Variants in PARP15 observed in about 807,000 individuals in gnomAD.
PARP15 encodes the protein protein mono-ADP-ribosyltransferase PARP15.
A neutral mutation model predicts 62.1 loss-of-function variants in PARP15; 50 were observed. The observed-to-expected ratio is 0.81, with a 90% CI of 0.64 to 1.02. The LOEUF is 1.02. Ranked by LOEUF, PARP15 falls within the 50% of genes least tolerant of loss-of-function variation. The pLI is 0.00. For synonymous variants in PARP15, 309 were observed against 293.1 expected (o/e 1.05, Z -0.55); for missense variants, 820 against 826.5 (o/e 0.99, Z 0.10).
chr3:122,610,535 TGGA>T lies in PARP15; in HGVS notation c.355_357del (p.Gly119del). 3 of 1,551,726 alleles carry T rather than the reference TGGA, an allele frequency of 1.9e-6. No homozygotes were observed. Among genetic ancestry groups the T allele is most frequent in the Non-Finnish European group, 1.7e-6 (2 of 1,146,992 alleles). On this transcript the variant is annotated inframe_deletion, in exon 3 of 12. Coordinates refer to ENST00000464300, the MANE Select transcript of PARP15 (RefSeq NM_001113523.3). ...ACAGCGTTCCCATGAATCTTCAGCT[TGGA>T]GGAGGACCACTATCTCGGGCATTTT...
intron 3 of PARP15, among the ~76,000 whole-genome samples, chr3:122,611,735 A>T (rs1935581421): frequency 6.7e-6 from 1 of 149,994 alleles, no homozygotes; most frequent in African/African-American, 2.5e-5. Flanking sequence ...ATTTTTTGAG[A>T]TGGAGTTTTG....
intron 1 of PARP15, among the ~76,000 whole-genome samples, chr3:122,605,112 CCCACTGG>C (rs1190578868): frequency 2.6e-5 from 4 of 152,130 alleles, no homozygotes; most frequent in Non-Finnish European, 5.9e-5. Flanking sequence ...CCCACTTAAT[CCCACTGG>C]GGAAACTCAT....
At chr3:122,586,260 G>A (rs779536034) in intron 1 of PARP15, among the ~76,000 whole-genome samples, 7 of 151,674 alleles carry the variant, frequency 4.6e-5, no homozygotes, top group African/African-American at 1.5e-4. Flanking sequence ...CTGTTGGAGT[G>A]CAGTGGCCTA....
At chr3:122,578,874 A>G (rs763882518) in intron 1 of PARP15, among the ~76,000 whole-genome samples, 2 of 152,150 alleles carry the variant, frequency 1.3e-5, no homozygotes, top group Admixed American at 1.3e-4. Flanking sequence ...TGAGTATGTA[A>G]TGTATATGAT....
chr3:122,615,941 C>G, intron 5 of PARP15, 84 bp downstream of exon 5: 1 of 1,323,422 alleles, frequency 7.6e-7, no homozygotes, highest in East Asian at 2.4e-5. Context: ...TAGAAGTAGG[C>G]AAAGCTAATT....
At chr3:122,607,407 A>G (rs1935227863) in intron 2 of PARP15, among the ~76,000 whole-genome samples, 1 of 152,212 alleles carries the variant, frequency 6.6e-6, no homozygotes, top group Non-Finnish European at 1.5e-5. Context: ...GTCAATATCC[A>G]TCTTATGTCT....
intron 7 of PARP15, among the ~76,000 whole-genome samples, chr3:122,621,185 T>C (rs1352628044): frequency 6.6e-6 from 1 of 152,138 alleles, no homozygotes; most frequent in East Asian, 1.9e-4. Flanking sequence ...TAGGCTTGTT[T>C]TGAGGATTGA....
rs1576534820 is a variant in PARP15 at position 122,621,512 on chromosome 3, G to A, written c.1132G>A (p.Val378Ile). 6.2e-7 allele frequency: 1 copy of A among 1,613,934 alleles called. No individual in the cohort carries two copies. Among genetic ancestry groups the A allele is most frequent in the Non-Finnish European group, 8.5e-7 (1 of 1,179,916 alleles). The change falls in exon 8 of 12, where the codon GTT becomes ATT. Residue 378 changes from valine to isoleucine, a missense_variant. By Grantham distance (29) the Val-to-Ile change is conservative (BLOSUM62 3). Around this residue, in one of 3 missense-constraint regions of PARP15, gnomAD observed 731 missense variants for 727.7 expected, o/e 1.00. Transcript: ENST00000464300. ...GCLKCKIIIHVPGGKDVRKTV... is the reference protein window; with the variant it reads ...GCLKCKIIIHIPGGKDVRKTV... ...CTTAAAGTGCAAAATAATAATTCAT[G>A]TTCCTGGGGGAAAAGATGTCAGGAA...
At chr3:122,622,997 T>C (rs1234697918) in intron 8 of PARP15, among the ~76,000 whole-genome samples, 1 of 152,158 alleles carries the variant, frequency 6.6e-6, no homozygotes, top group Non-Finnish European at 1.5e-5. Flanking sequence ...CTCCTGCAGG[T>C]ATCCCAGGTC....
chr3:122,598,269 C>A (rs2107499487), intron 1 of PARP15, among the ~76,000 whole-genome samples: 1 of 152,302 alleles, frequency 6.6e-6, no homozygotes, highest in East Asian at 1.9e-4. Flanking sequence ...TACCACAAAA[C>A]TTGGGTGTTT....
intron 1 of PARP15, chr3:122,594,844 T>G: frequency 1.0e-6 from 1 of 983,346 alleles, no homozygotes; most frequent in Non-Finnish European, 1.2e-6. Flanking sequence ...ACCATTAAGA[T>G]TGAAAATATG....
At chr3:122,604,523 G>A (rs536274778) in intron 1 of PARP15, among the ~76,000 whole-genome samples, 1 of 152,212 alleles carries the variant, frequency 6.6e-6, no homozygotes, top group East Asian at 1.9e-4. Context: ...TTTGAGACCA[G>A]CCTGGTCAAC....
At chr3:122,603,658 G>A (rs1280214380) in intron 1 of PARP15, among the ~76,000 whole-genome samples, 1 of 152,118 alleles carries the variant, frequency 6.6e-6, no homozygotes, top group Admixed American at 6.5e-5. Flanking sequence ...TGGTTCTTTT[G>A]GGAGGTTTTC....
chr3:122,629,562 A>C (rs1031605545), intron 9 of PARP15, among the ~76,000 whole-genome samples: 1 of 152,144 alleles, frequency 6.6e-6, no homozygotes, highest in African/African-American at 2.4e-5. Context: ...AGTTTCATAT[A>C]AGACAAATTT....
chr3:122,615,373 C>G, intron 4 of PARP15: 1 of 1,295,920 alleles, frequency 7.7e-7, no homozygotes, highest in Non-Finnish European at 1.0e-6. Flanking sequence ...CCAAAGATGC[C>G]AAGGAACGTT....
chr3:122,619,808 C>T lies in PARP15; in HGVS notation c.1028C>T (p.Ala343Val). ...SGVSRAILEGAGQAVESECAV... is the reference protein window; with the variant it reads ...SGVSRAILEGVGQAVESECAV... ...GTGTCAAGAGCTATTTTAGAAGGTG[C>T]TGGACAAGCTGTGGAAAGTGAATGT... Residue 343 changes from alanine to valine, a missense_variant, in exon 7 of 12, where the codon GCT (alanine) becomes GTT (valine). Ala to Val is a moderately conservative substitution (Grantham distance 64, BLOSUM62 0). This residue lies in a region of PARP15 where 731 missense variants were observed against 727.7 expected (regional missense o/e 1.00). Coordinates refer to ENST00000464300, the MANE Select transcript of PARP15 (RefSeq NM_001113523.3). The T allele has an allele frequency of 6.2e-7, 1 of 1,613,646 alleles. No homozygotes were observed. Among genetic ancestry groups the T allele is most frequent in the Non-Finnish European group, 8.5e-7 (1 of 1,179,532 alleles).
intron 8 of PARP15, among the ~76,000 whole-genome samples, chr3:122,624,254 G>T (rs1936543971): frequency 6.6e-6 from 1 of 152,188 alleles, no homozygotes; most frequent in African/African-American, 2.4e-5. Flanking sequence ...TACATTAGTT[G>T]TATTAGTAAT....
In PARP15 at chr3:122,637,208, C is replaced by T. The variant is rs764361088; in HGVS notation, c.*1108C>T. 6.6e-6 allele frequency: 1 copy of T among 152,164 alleles called. No homozygotes were observed. The highest frequency in any genetic ancestry group is 1.5e-5 in the Non-Finnish European group (1 of 68,060). The allele number at this position is 152,164 out of a possible 1,614,324, so 9.4% of individuals were successfully genotyped here. On this transcript the variant is annotated 3_prime_UTR_variant, in exon 12 of 12. Transcript: ENST00000464300. ...CAGTGACAATGATGCTAGAGGTCACCTACCCCACTGTCCTCTTGTCCTTCT... is the reference window on the plus strand; with the variant it reads ...CAGTGACAATGATGCTAGAGGTCACTTACCCCACTGTCCTCTTGTCCTTCT...
chr3:122,623,124 G>A (rs1936459401), intron 8 of PARP15, among the ~76,000 whole-genome samples: 1 of 152,136 alleles, frequency 6.6e-6, no homozygotes, highest in Non-Finnish European at 1.5e-5. Context: ...AGGCCAATAG[G>A]GAAGCCAGGG....
Sources: gnomAD v4.1 joint callset for allele counts (sites outside exome capture counted in the v4.1 genomes callset) on GRCh38, gnomAD v4.1.1 for gene constraint, gnomAD v4.1.1 regional missense constraint, MANE v1.5 for transcripts, NCBI Gene and HGNC (gene_info 2026-07-23, HGNC 2026-07-21) for gene names.